COL28A1: variants seen among roughly 807,000 people sequenced by gnomAD.
The protein encoded by COL28A1 is collagen type XXVIII alpha 1 chain.
In COL28A1, 161 loss-of-function variants were observed where a neutral mutation model predicts 150.2. The observed-to-expected ratio is 1.07, with a 90% CI of 0.94 to 1.22. The LOEUF is 1.22. COL28A1 is among the 50% of genes most tolerant of loss of function. The pLI, the probability that COL28A1 is intolerant of heterozygous loss-of-function variation, is 0.00. For missense variants in COL28A1, 1,617 were observed against 1,388.3 expected (o/e 1.16, Z -2.62); for synonymous variants, 552 against 469.7 (o/e 1.18, Z -2.26).
At chr7:7,496,565 G>C (rs1333463920) in intron 11 of COL28A1, among the ~76,000 whole-genome samples, 1 of 151,846 alleles carries the variant, frequency 6.6e-6, no homozygotes, top group Non-Finnish European at 1.5e-5. Flanking sequence ...TTTTTTAGCT[G>C]AAAGAGTAAT....
At chr7:7,438,715 A>T (rs527600336) in intron 21 of COL28A1, among the ~76,000 whole-genome samples, 2 of 152,354 alleles carry the variant, frequency 1.3e-5, no homozygotes, top group African/African-American at 4.8e-5. Context: ...CAGAAATTAC[A>T]ATTAAAAAAT....
At chr7:7,422,382 C>T (rs1432852625) in intron 25 of COL28A1, among the ~76,000 whole-genome samples, 1 of 152,062 alleles carries the variant, frequency 6.6e-6, no homozygotes, top group Non-Finnish European at 1.5e-5. Flanking sequence ...TGTAATCCCA[C>T]CACTCTGGCA....
intron 1 of COL28A1, 35 bp downstream of exon 1, chr7:7,535,715 T>A (rs1782605099): frequency 6.6e-6 from 1 of 152,200 alleles, no homozygotes; most frequent in South Asian, 2.1e-4. Context: ...TCCTATCTGA[T>A]TTCAAGTGAC....
At chr7:7,425,091 T>C (rs1343189884) in intron 25 of COL28A1, among the ~76,000 whole-genome samples, 1 of 151,622 alleles carries the variant, frequency 6.6e-6, no homozygotes, top group Admixed American at 6.6e-5. Context: ...TAAATAAAAA[T>C]AATACTTATT....
intron 28 of COL28A1, among the ~76,000 whole-genome samples, chr7:7,381,167 G>C (rs967864695): frequency 2.6e-5 from 4 of 152,024 alleles, no homozygotes; most frequent in Non-Finnish European, 4.4e-5. Context: ...GAGTTATCTG[G>C]TATCTCCTAC....
In COL28A1 at chr7:7,380,853, C is replaced by T. The variant is rs776944883; in HGVS notation, c.2215G>A (p.Gly739Arg). The T allele has an allele frequency of 5.6e-6, 9 of 1,613,252 alleles. No individual in the cohort carries two copies. The highest frequency in any genetic ancestry group is 4.4e-5 in the South Asian group (4 of 91,066). ...HGLPGQKGEH[G>R]ERGDVGKKGD... ...TTCTTTCCCACATCGCCCCGTTCTC[C>T]GTGCTCTCCCTTTACACAATAGGGT... The change falls in exon 29 of 35, where the codon GGA (glycine) becomes AGA (arginine). Residue 739 changes from glycine (G) to arginine (R), a missense_variant. Physicochemically the swap from Gly to Arg is moderately radical, Grantham distance 125. Transcript: ENST00000399429.
At chr7:7,416,807 C>T (rs899155196) in intron 27 of COL28A1, among the ~76,000 whole-genome samples, 15 of 152,184 alleles carry the variant, frequency 9.9e-5, no homozygotes, top group African/African-American at 2.4e-5. Flanking sequence ...CTTACTCTCT[C>T]TACACAGAAG....
intron 27 of COL28A1, among the ~76,000 whole-genome samples, chr7:7,389,226 T>A: frequency 6.6e-6 from 1 of 152,222 alleles, no homozygotes; most frequent in South Asian, 2.1e-4. Context: ...ACTAGCCAGT[T>A]TTCCCAACAC....
intron 27 of COL28A1, among the ~76,000 whole-genome samples, chr7:7,389,429 G>A (rs1295686263): frequency 2.0e-5 from 3 of 152,034 alleles, no homozygotes; most frequent in South Asian, 2.1e-4. Context: ...GTCAGGTAGC[G>A]TAATCCCTCC....
At chr7:7,458,061 A>G (rs1278435578) in intron 15 of COL28A1, among the ~76,000 whole-genome samples, 1 of 152,234 alleles carries the variant, frequency 6.6e-6, no homozygotes, top group Non-Finnish European at 1.5e-5. Context: ...ATTTGTAAAA[A>G]CAGGCAGCCA....
chr7:7,422,343 T>C (rs1191545792), intron 25 of COL28A1, among the ~76,000 whole-genome samples: 1 of 152,130 alleles, frequency 6.6e-6, no homozygotes. Context: ...AGGAAGGATA[T>C]GGCCAGGTTG....
At chr7:7,345,319 T>C in the COL28A1 span, among the ~76,000 whole-genome samples, 3 of 152,056 alleles carry the variant, frequency 2.0e-5, no homozygotes, top group African/African-American at 4.8e-5. Flanking sequence ...GGAAACCTAT[T>C]CAAGGCTTTT....
At chr7:7,421,629 G>C (rs1208863802) in intron 25 of COL28A1, among the ~76,000 whole-genome samples, 1 of 152,110 alleles carries the variant, frequency 6.6e-6, no homozygotes, top group Non-Finnish European at 1.5e-5. Context: ...TGTTGAAGTT[G>C]TTCATTCAGA....
chr7:7,453,988 G>C (rs1389973809), intron 16 of COL28A1, among the ~76,000 whole-genome samples: 1 of 152,186 alleles, frequency 6.6e-6, no homozygotes, highest in African/African-American at 2.4e-5. Context: ...TTGATTAACA[G>C]AAGCAATAGT....
At chr7:7,429,418 T>C (rs1367658059) in intron 25 of COL28A1, among the ~76,000 whole-genome samples, 2 of 138,452 alleles carry the variant, frequency 1.4e-5, no homozygotes, top group African/African-American at 3.2e-5. Flanking sequence ...TCTCTCTCTC[T>C]CTCTCTCTCA....
intron 2 of COL28A1, 146 bp from the exon 3 acceptor site, chr7:7,532,050 G>T (rs1782396160): frequency 3.8e-6 from 2 of 521,542 alleles, no homozygotes; most frequent in Non-Finnish European, 3.5e-6. Context: ...TGGACAGAAG[G>T]CTTCAATTGT....
At chr7:7,478,262 C>T (rs117708330) in intron 13 of COL28A1, among the ~76,000 whole-genome samples, 15,197 of 151,810 alleles carry the variant, frequency 0.1, 896 homozygotes, top group Middle Eastern at 0.21. Flanking sequence ...ATTCAAAATC[C>T]CTTAGCTAGA....
chr7:7,514,265 T>C (rs10255581), intron 8 of COL28A1, among the ~76,000 whole-genome samples: 2,736 of 152,352 alleles, frequency 0.018, 99 homozygotes, highest in African/African-American at 0.061. Flanking sequence ...TATTAATATT[T>C]GTTCCTTTCC....
Position 7,373,216 on chromosome 7 carries a change from T to A in COL28A1, c.2690A>T (p.Lys897Ile), listed in dbSNP as rs773795714. The A allele has an allele frequency of 7.4e-6, 12 of 1,614,172 alleles. No homozygotes were observed. Among genetic ancestry groups the A allele is most frequent in the Middle Eastern group, 1.6e-4 (1 of 6,062 alleles). ...TCCATCAGTGATGACCAAGGCCACT[T>A]TTTTTACACCTGGCCTTGCATCTTC... ...MFEDARPGVK[K>I]VALVITDGQT... Residue 897 changes from lysine (K) to isoleucine (I), a missense_variant, in exon 32 of 35, where the codon AAA (lysine) becomes ATA (isoleucine). Physicochemically the swap from Lys to Ile is moderately radical, Grantham distance 102. Coordinates refer to ENST00000399429, the MANE Select transcript of COL28A1 (RefSeq NM_001037763.3). This position sits in a 1 kb window ranked among gnomAD's most constrained non-coding sequence, Gnocchi z 4.1.
Sources: gnomAD v4.1 joint callset for allele counts (sites outside exome capture counted in the v4.1 genomes callset) on GRCh38, gnomAD v4.1.1 for gene constraint, Gnocchi (gnomAD v3.1) non-coding constraint, MANE v1.5 for transcripts, NCBI Gene and HGNC (gene_info 2026-07-23, HGNC 2026-07-21) for gene names.